The following PPP4R3A variants were observed in gnomAD, a reference collection of about 807,000 sequenced individuals.
The protein encoded by PPP4R3A is protein phosphatase 4 regulatory subunit 3A, also known as serine/threonine-protein phosphatase 4 regulatory subunit 3A.
PPP4R3A carries 15 observed loss-of-function variants against 91.7 expected under a neutral mutation model. That is an observed-to-expected ratio of 0.16 (90% CI 0.11 to 0.25). The LOEUF (loss-of-function observed/expected upper bound fraction) is 0.25. PPP4R3A is among the 10% of genes least tolerant of loss of function. The pLI is 1.00. For synonymous variants in PPP4R3A, 377 were observed against 348.7 expected, an observed-to-expected ratio of 1.08 and a Z score of -0.91; for missense variants, 623 against 998.4, an observed-to-expected ratio of 0.62 and a Z score of 5.07.
At chr14:91,476,563 A>G (rs768942454) in intron 5 of PPP4R3A, 39 bp from the exon 6 acceptor site, 1 of 1,348,802 alleles carries the variant, frequency 7.4e-7, no homozygotes, top group South Asian at 1.3e-5. Context: ...TAAAAAGTTT[A>G]TTTTATTTAT....
chr14:91,488,923 T>C (rs1038517228), intron 2 of PPP4R3A, among the ~76,000 whole-genome samples: 1 of 150,828 alleles, frequency 6.6e-6, no homozygotes, highest in African/African-American at 2.4e-5. Context: ...TTTTTTTTTT[T>C]TTGAGATGGA....
intron 2 of PPP4R3A, among the ~76,000 whole-genome samples, chr14:91,488,545 A>G (rs17799653): frequency 0.49 from 74,700 of 151,954 alleles, 18,692 homozygotes; most frequent in Admixed American, 0.53. Flanking sequence ...GTAAGGTTTC[A>G]TTTTTAGTTT....
In PPP4R3A at chr14:91,481,613, A is replaced by G. The variant is rs1889562902; in HGVS notation, c.878T>C (p.Ile293Thr). ...AACAATCTCTACCTTATTGAAAAAGATAAAAGAGTGAAGTGTTGATAACAT... is the reference window on the plus strand; with the variant it reads ...AACAATCTCTACCTTATTGAAAAAGGTAAAAGAGTGAAGTGTTGATAACAT... ...ENMLSTLHSF[I>T]FFNKVEIVGM... The change falls in exon 4 of 15, where the codon ATC (isoleucine) becomes ACC (threonine). Residue 293 changes from isoleucine (I) to threonine (T), a missense_variant. Ile to Thr is a moderately conservative substitution (Grantham distance 89). This residue lies in a region of PPP4R3A where 264 missense variants were observed against 377.3 expected (regional missense o/e 0.70). Coordinates refer to ENST00000554943, the MANE Select transcript of PPP4R3A (RefSeq NM_001366432.2). The G allele has an allele frequency of 6.3e-7, 1 of 1,593,964 alleles. No individual in the cohort carries two copies. The highest frequency in any genetic ancestry group is 8.5e-7 in the Non-Finnish European group (1 of 1,173,494).
Position 91,462,806 on chromosome 14 carries a change from T to C in PPP4R3A, c.1902A>G (p.Val634=), listed in dbSNP as rs1888240914. 2 of 1,611,498 alleles carry C rather than the reference T, an allele frequency of 1.2e-6. No individual in the cohort carries two copies. Among genetic ancestry groups the C allele is most frequent in the East Asian group, 4.5e-5 (2 of 44,800 alleles). ...TCAGTTTTAATCCTTTAAATGTCTGTACATAATCTACATCTTCCAGTGCTT... is the reference window on the plus strand; with the variant it reads ...TCAGTTTTAATCCTTTAAATGTCTGCACATAATCTACATCTTCCAGTGCTT... ...YWKALEDVDY[V]QTFKGLKLRF... Residue 634 remains valine (V), a synonymous_variant, in exon 12 of 15, where the codon GTA becomes GTG. Coordinates refer to ENST00000554943, the MANE Select transcript of PPP4R3A (RefSeq NM_001366432.2).
At chr14:91,476,048 A>C in intron 6 of PPP4R3A, 82 bp from the exon 7 acceptor site, 2 of 1,360,366 alleles carry the variant, frequency 1.5e-6, no homozygotes, top group Non-Finnish European at 2.0e-6. Context: ...ACCTAACAAA[A>C]CATATGAAAA....
At chr14:91,464,897 A>G (rs1235006158) in intron 11 of PPP4R3A, among the ~76,000 whole-genome samples, 2 of 152,186 alleles carry the variant, frequency 1.3e-5, no homozygotes, top group African/African-American at 2.4e-5. Flanking sequence ...ACAGTTAACC[A>G]AAGGGTTCAT....
At chr14:91,465,564 AACCTAAAGATAAGG>A in intron 10 of PPP4R3A, 145 bp from the exon 11 acceptor site, 1 of 615,666 alleles carries the variant, frequency 1.6e-6, no homozygotes, top group Non-Finnish European at 2.5e-6. Flanking sequence ...CGGAACTGTG[AACCTAAAGATAAGG>A]ATTATGAAAA....
intron 2 of PPP4R3A, among the ~76,000 whole-genome samples, chr14:91,487,770 T>C (rs1229425520): frequency 2.0e-5 from 3 of 152,208 alleles, no homozygotes; most frequent in East Asian, 1.9e-4. Flanking sequence ...TACTGCAATG[T>C]AGTGGTGCCA....
chr14:91,476,946 G>A lies in PPP4R3A; in HGVS notation c.956C>T (p.Thr319Ile), dbSNP rs1157643037. 6.2e-7 allele frequency: 1 copy of A among 1,602,642 alleles called. No homozygotes were observed. The highest frequency in any genetic ancestry group is 8.5e-7 in the Non-Finnish European group (1 of 1,173,510). Reference protein sequence around the residue: ...KFLTDLFAQLTDEATDEEKRQ... With the variant: ...KFLTDLFAQLIDEATDEEKRQ... ...TTTTTCCTCATCTGTTGCTTCATCT[G>A]TTAGTTGTGCAAACAAATCTGTCAG... Residue 319 changes from threonine to isoleucine, a missense_variant, in exon 5 of 15, where the codon ACA becomes ATA. Transcript: ENST00000554943.
At chr14:91,472,851 A>ACC (rs1888940165) in intron 9 of PPP4R3A, among the ~76,000 whole-genome samples, 182 bp downstream of exon 9, 2 of 151,250 alleles carry the variant, frequency 1.3e-5, no homozygotes, top group Non-Finnish European at 2.9e-5. Flanking sequence ...CAACCAACCA[A>ACC]ATTATTAAGA....
At chr14:91,460,545 CAAAAG>C (rs1456430702) in intron 14 of PPP4R3A, among the ~76,000 whole-genome samples, 2 of 151,350 alleles carry the variant, frequency 1.3e-5, no homozygotes, top group Non-Finnish European at 2.9e-5. Context: ...TATTATGTCT[CAAAAG>C]AAAAGGGTGG....
intron 1 of PPP4R3A, among the ~76,000 whole-genome samples, chr14:91,493,851 C>A (rs1371575011): frequency 6.7e-6 from 1 of 149,074 alleles, no homozygotes; most frequent in Non-Finnish European, 1.5e-5. Flanking sequence ...CGGCTCACCA[C>A]AACCTCTGCC....
intron 1 of PPP4R3A, among the ~76,000 whole-genome samples, chr14:91,507,418 T>TAGTA (rs1555353273): frequency 1.6e-5 from 1 of 62,276 alleles, no homozygotes; most frequent in East Asian, 4.5e-4. Flanking sequence ...ATATACTATA[T>TAGTA]AATATATATA....
chr14:91,482,243 A>C (rs1889612350), intron 3 of PPP4R3A, 50 bp from the exon 4 acceptor site: 1 of 1,523,466 alleles, frequency 6.6e-7, no homozygotes, highest in Non-Finnish European at 8.7e-7. Flanking sequence ...GGTGACCAGC[A>C]AACCTAAATG....
intron 1 of PPP4R3A, among the ~76,000 whole-genome samples, chr14:91,493,873 A>T (rs1775766625): frequency 6.7e-6 from 1 of 149,892 alleles, no homozygotes; most frequent in African/African-American, 2.5e-5. Context: ...CCTGGGTTCA[A>T]GTGATTGTCC....
chr14:91,498,786 C>T (rs1235155784), intron 1 of PPP4R3A, among the ~76,000 whole-genome samples: 1 of 151,662 alleles, frequency 6.6e-6, no homozygotes, highest in Admixed American at 6.6e-5. Flanking sequence ...TGGTGGTGGG[C>T]GCCTGTAGTC....
chr14:91,460,767 C>CCA (rs1309638992), intron 14 of PPP4R3A, among the ~76,000 whole-genome samples: 2 of 150,564 alleles, frequency 1.3e-5, no homozygotes, highest in African/African-American at 4.9e-5. Context: ...ACTACAGGCG[C>CCA]CCGCCACCAC....
At chr14:91,478,749 G>C (rs1261679401) in intron 4 of PPP4R3A, among the ~76,000 whole-genome samples, 1 of 151,740 alleles carries the variant, frequency 6.6e-6, no homozygotes, top group Non-Finnish European at 1.5e-5. Context: ...TCCTTTTTTT[G>C]CCTATCACTG....
intron 4 of PPP4R3A, among the ~76,000 whole-genome samples, chr14:91,478,274 T>C (rs1889329815): frequency 6.6e-6 from 1 of 152,158 alleles, no homozygotes; most frequent in African/African-American, 2.4e-5. Context: ...TATCAAATGG[T>C]TAAAAAAGAC....
Sources: allele counts gnomAD v4.1 joint callset (sites outside exome capture counted in the v4.1 genomes callset), GRCh38; gene constraint gnomAD v4.1.1; regional missense constraint gnomAD v4.1.1; transcripts MANE v1.5; gene names NCBI Gene and HGNC (gene_info 2026-07-23, HGNC 2026-07-21).